Variants in ULK4 observed in about 807,000 individuals in gnomAD.
ULK4 encodes the protein unc-51 like kinase 4.
A neutral mutation model predicts 160.6 loss-of-function variants in ULK4; 133 were observed. The observed-to-expected ratio is 0.83, with a 90% CI of 0.72 to 0.96. The LOEUF is 0.96. ULK4 is among the 40% of genes least tolerant of loss of function. ULK4 has a pLI of 0.00. For synonymous variants in ULK4, 534 were observed against 539.8 expected, an observed-to-expected ratio of 0.99 and a Z score of 0.15; for missense variants, 1,580 against 1,499.5, an observed-to-expected ratio of 1.05 and a Z score of -0.89.
chr3:41,661,932 G>C (rs991180220), intron 30 of ULK4, among the ~76,000 whole-genome samples: 1 of 152,070 alleles, frequency 6.6e-6, no homozygotes, highest in African/African-American at 2.4e-5. Flanking sequence ...AAATTAAGCT[G>C]AATAGAGTTG....
intron 30 of ULK4, among the ~76,000 whole-genome samples, chr3:41,655,319 T>C (rs1404450258): frequency 3.3e-4 from 44 of 135,368 alleles, no homozygotes; most frequent in Admixed American, 2.8e-3. Context: ...TAGGTGGGAA[T>C]TGAACAATGA....
At chr3:41,452,351 C>T (rs772882503) in intron 34 of ULK4, among the ~76,000 whole-genome samples, 3 of 152,138 alleles carry the variant, frequency 2.0e-5, no homozygotes, top group Non-Finnish European at 2.9e-5. Flanking sequence ...CTGGAATAGA[C>T]GCCTGTTCAA....
chr3:41,819,572 G>T lies in ULK4; in HGVS notation c.1765-66C>A, dbSNP rs1009711750. 4 of 1,397,058 alleles carry T rather than the reference G, an allele frequency of 2.9e-6. No homozygotes were observed. In the South Asian group the frequency reaches 3.6e-5, roughly 13 times the overall value. 86.5% of individuals were successfully genotyped at this position (1,397,058 alleles called of 1,614,324 possible). A position where few individuals can be genotyped will look rare whatever the true frequency, so the allele number is the denominator to read the frequency against. On this transcript the variant is annotated intron_variant, in intron 18 of 36. Coordinates refer to ENST00000301831, the MANE Select transcript of ULK4 (RefSeq NM_017886.4). ...GCACGAAAGATATTAACCCATTCAA[G>T]CAAATGGCACAGCTCCAAGTATACA...
intron 35 of ULK4, among the ~76,000 whole-genome samples, chr3:41,278,460 T>C (rs1164385374): frequency 6.6e-6 from 1 of 152,206 alleles, no homozygotes; most frequent in Non-Finnish European, 1.5e-5. Context: ...CAGCATGGCA[T>C]TCGAGCTCTG....
At chr3:41,903,543 C>T (rs887401738) in intron 12 of ULK4, among the ~76,000 whole-genome samples, 6 of 151,166 alleles carry the variant, frequency 4.0e-5, no homozygotes, top group African/African-American at 9.8e-5. Flanking sequence ...AAGATCACAC[C>T]GCTGCACTCC....
chr3:41,802,243 AAATAT>A (rs770534517), intron 19 of ULK4, among the ~76,000 whole-genome samples: 1 of 152,206 alleles, frequency 6.6e-6, no homozygotes, highest in Non-Finnish European at 1.5e-5. Flanking sequence ...ATATGTGAAT[AAATAT>A]AATAGATTGT....
At chr3:41,407,044 G>A (rs2082307999) in intron 34 of ULK4, among the ~76,000 whole-genome samples, 1 of 152,166 alleles carries the variant, frequency 6.6e-6, no homozygotes. Context: ...CTGAAAGACA[G>A]CTAGAGTTGA....
In ULK4 at chr3:41,778,187, C is replaced by T. The variant is rs1472762623; in HGVS notation, c.2193+11474G>A. On this transcript the variant is annotated intron_variant, in intron 21 of 36. Coordinates refer to ENST00000301831, the MANE Select transcript of ULK4 (RefSeq NM_017886.4). ...AATCGCAAGCATTCTTATACACCAA[C>T]AACAGACAAACAGAGAGCCAAATCA... Among the ~76,000 whole-genome samples, 16 of 107,476 alleles carry T rather than the reference C, an allele frequency of 1.5e-4. 1 individual carries two copies. Among genetic ancestry groups the T allele is most frequent in the African/African-American group, 7.5e-4 (14 of 18,670 alleles). 70.5% of individuals were successfully genotyped at this position (107,476 alleles called of 152,430 possible). A position where few individuals can be genotyped will look rare whatever the true frequency, so the allele number is the denominator to read the frequency against.
At chr3:41,800,942 G>A (rs764985914) in intron 19 of ULK4, among the ~76,000 whole-genome samples, 7 of 152,098 alleles carry the variant, frequency 4.6e-5, no homozygotes, top group Admixed American at 2.0e-4. Context: ...AAAAAGTTCC[G>A]CATCCAATGA....
chr3:41,760,607 C>G (rs1337325294), intron 21 of ULK4, among the ~76,000 whole-genome samples: 2 of 152,140 alleles, frequency 1.3e-5, no homozygotes, highest in East Asian at 3.8e-4. Flanking sequence ...GTACTTAATA[C>G]AAACTTTGTT....
At chr3:41,821,839 A>C (rs2041157076) in intron 18 of ULK4, among the ~76,000 whole-genome samples, 1 of 152,200 alleles carries the variant, frequency 6.6e-6, no homozygotes, top group Non-Finnish European at 1.5e-5. Flanking sequence ...AGGAAAAATA[A>C]ATAAATATAT....
At chr3:41,646,769 A>G (rs2034513299) in intron 30 of ULK4, among the ~76,000 whole-genome samples, 1 of 135,396 alleles carries the variant, frequency 7.4e-6, no homozygotes, top group Admixed American at 6.8e-5. Context: ...GTTCTCCTGG[A>G]TAATATCCTG....
chr3:41,466,996 G>C (rs926697170), intron 32 of ULK4, among the ~76,000 whole-genome samples: 1 of 151,932 alleles, frequency 6.6e-6, no homozygotes, highest in African/African-American at 2.4e-5. Flanking sequence ...AAATCACAAT[G>C]GGATATCACC....
intron 25 of ULK4, among the ~76,000 whole-genome samples, chr3:41,706,378 ATATATATT>A (rs1294170606): frequency 1.4e-5 from 2 of 145,982 alleles, no homozygotes; most frequent in Non-Finnish European, 3.0e-5. Flanking sequence ...TATATTTAAT[ATATATATT>A]TATATATATT....
At chr3:41,628,242 TA>T (rs1365791443) in intron 30 of ULK4, among the ~76,000 whole-genome samples, 1 of 151,994 alleles carries the variant, frequency 6.6e-6, no homozygotes, top group Non-Finnish European at 1.5e-5. Flanking sequence ...GCTCTAATGA[TA>T]AAAAATTTGA....
At chr3:41,635,285 C>T (rs1312540227) in intron 30 of ULK4, among the ~76,000 whole-genome samples, 1 of 151,952 alleles carries the variant, frequency 6.6e-6, no homozygotes, top group African/African-American at 2.4e-5. Flanking sequence ...ACCATGAAAA[C>T]CTTAAGATGG....
chr3:41,430,085 A>T (rs1001432713), intron 34 of ULK4, among the ~76,000 whole-genome samples: 2 of 152,222 alleles, frequency 1.3e-5, no homozygotes, highest in Non-Finnish European at 1.5e-5. Flanking sequence ...ATACTAAATG[A>T]AAACAAATAG....
chr3:41,907,995 T>G, intron 11 of ULK4, 54 bp from the exon 12 acceptor site: 2 of 1,325,268 alleles, frequency 1.5e-6, no homozygotes, highest in Non-Finnish European at 2.1e-6. Flanking sequence ...TTATTCTCTG[T>G]TTACTGTTTT....
chr3:41,371,503 A>T (rs1321782420), intron 35 of ULK4, among the ~76,000 whole-genome samples: 2 of 152,202 alleles, frequency 1.3e-5, no homozygotes, highest in Admixed American at 1.3e-4. Flanking sequence ...CCAGGCAAAC[A>T]GGGTCTGAAG....
Sources: gnomAD v4.1 joint callset for allele counts (sites outside exome capture counted in the v4.1 genomes callset) on GRCh38, gnomAD v4.1.1 for gene constraint, MANE v1.5 for transcripts, NCBI Gene and HGNC (gene_info 2026-07-23, HGNC 2026-07-21) for gene names.